CCDC171: variants seen among roughly 807,000 people sequenced by gnomAD.
CCDC171 encodes the protein coiled-coil domain containing 171.
In CCDC171, 177 loss-of-function variants were observed where a neutral mutation model predicts 168.2. The observed-to-expected ratio is 1.05, with a 90% CI of 0.93 to 1.19. The LOEUF (loss-of-function observed/expected upper bound fraction) is 1.19. Among genes scored for constraint, CCDC171 ranks in the 50% most tolerant of loss-of-function variants. The probability of loss-of-function intolerance (pLI) is 0.00; values close to 1 mark genes in which losing one functional copy is unlikely to be tolerated. For synonymous variants in CCDC171, 687 were observed against 540.8 expected, an observed-to-expected ratio of 1.27 and a Z score of -3.75; for missense variants, 1,991 against 1,539.0, an observed-to-expected ratio of 1.29 and a Z score of -4.91.
At chr9:15,693,242 CATATGGCAGT>C (rs1465788720) in intron 10 of CCDC171, among the ~76,000 whole-genome samples, 8 of 152,080 alleles carry the variant, frequency 5.3e-5, no homozygotes, top group African/African-American at 1.7e-4. Flanking sequence ...ACACTTCACA[CATATGGCAGT>C]ATATTAAACA....
chr9:15,889,776 G>A (rs182502482), intron 24 of CCDC171, among the ~76,000 whole-genome samples: 4 of 152,262 alleles, frequency 2.6e-5, no homozygotes, highest in Non-Finnish European at 5.9e-5. Context: ...TGTTCTCACT[G>A]GTAAAGGAAT....
chr9:16,100,484 G>A, the CCDC171 span, among the ~76,000 whole-genome samples: 480 of 152,226 alleles, frequency 3.2e-3, 2 homozygotes, highest in African/African-American at 0.011. Context: ...CAGAGGTATC[G>A]ATGTAATTGG....
the CCDC171 span, among the ~76,000 whole-genome samples, chr9:16,104,098 GT>G: frequency 6.6e-6 from 1 of 151,868 alleles, no homozygotes; most frequent in Admixed American, 6.6e-5. Context: ...CTTTCTTCTT[GT>G]TTTCCTCTTT....
intron 24 of CCDC171, among the ~76,000 whole-genome samples, chr9:15,903,936 A>T (rs1197371690): frequency 1.3e-5 from 2 of 152,204 alleles, no homozygotes; most frequent in African/African-American, 4.8e-5. Flanking sequence ...GTGATGGAAG[A>T]TCAAATGAAT....
At chr9:15,706,500 C>G (rs1225030317) in intron 11 of CCDC171, among the ~76,000 whole-genome samples, 1 of 152,048 alleles carries the variant, frequency 6.6e-6, no homozygotes, top group Non-Finnish European at 1.5e-5. Flanking sequence ...GTTGCCCAGG[C>G]TGGTCTCCAA....
chr9:15,719,632 A>G (rs991460203), intron 11 of CCDC171, among the ~76,000 whole-genome samples: 3 of 152,222 alleles, frequency 2.0e-5, no homozygotes, highest in Non-Finnish European at 4.4e-5. Flanking sequence ...ACTTTATTAT[A>G]TAAACATTTT....
chr9:15,739,642 A>C (rs909131207), intron 16 of CCDC171, among the ~76,000 whole-genome samples: 1 of 152,222 alleles, frequency 6.6e-6, no homozygotes, highest in African/African-American at 2.4e-5. Context: ...TATTCCTATT[A>C]AAATAGAGAA....
chr9:15,804,565 T>C (rs1230341176), intron 21 of CCDC171, among the ~76,000 whole-genome samples: 1 of 152,094 alleles, frequency 6.6e-6, no homozygotes, highest in African/African-American at 2.4e-5. Context: ...ACCCCAACCT[T>C]GCATCCTGGG....
chr9:15,596,339 A>T (rs1423525556), intron 6 of CCDC171, among the ~76,000 whole-genome samples: 2 of 151,630 alleles, frequency 1.3e-5, no homozygotes, highest in East Asian at 1.9e-4. Context: ...TAAGGAAGGG[A>T]TCCAGTTTCA....
At chr9:15,869,521 T>TG (rs2061939818) in intron 23 of CCDC171, among the ~76,000 whole-genome samples, 1 of 146,028 alleles carries the variant, frequency 6.8e-6, no homozygotes, top group African/African-American at 2.5e-5. Flanking sequence ...GTGTTTTTTT[T>TG]TTGTTTGTTT....
chr9:15,779,981 G>T (rs1320272361), intron 20 of CCDC171, among the ~76,000 whole-genome samples: 1 of 152,196 alleles, frequency 6.6e-6, no homozygotes, highest in African/African-American at 2.4e-5. Flanking sequence ...CTTCAAGACT[G>T]TACAACTTAA....
chr9:15,886,782 A>ACACC (rs1554666687), intron 24 of CCDC171: 1 of 151,462 alleles, frequency 6.6e-6, no homozygotes, highest in African/African-American at 2.4e-5. Context: ...ACACACACAC[A>ACACC]CACCCAGAGG....
intron 25 of CCDC171, among the ~76,000 whole-genome samples, chr9:15,935,292 A>T (rs935546328): frequency 6.6e-6 from 1 of 152,012 alleles, no homozygotes; most frequent in African/African-American, 2.4e-5. Flanking sequence ...ACTCAGAGGA[A>T]ATTTGAGTTC....
chr9:16,095,533 GCT>G, the CCDC171 span, among the ~76,000 whole-genome samples: 2 of 151,078 alleles, frequency 1.3e-5, no homozygotes, highest in South Asian at 4.2e-4. Context: ...TCACACACAC[GCT>G]CTCTCTTTCT....
At chr9:15,833,401 A>G (rs1480632667) in intron 21 of CCDC171, among the ~76,000 whole-genome samples, 2 of 152,146 alleles carry the variant, frequency 1.3e-5, no homozygotes, top group Non-Finnish European at 2.9e-5. Flanking sequence ...GTGTTCAAAT[A>G]TATGTAAACT....
At chr9:15,738,294 A>T (rs1396279005) in intron 16 of CCDC171, among the ~76,000 whole-genome samples, 1 of 152,190 alleles carries the variant, frequency 6.6e-6, no homozygotes, top group Non-Finnish European at 1.5e-5. Context: ...TCCGTGATTC[A>T]TTAAGGAAAA....
At chr9:16,093,764 A>T in the CCDC171 span, among the ~76,000 whole-genome samples, 1 of 152,214 alleles carries the variant, frequency 6.6e-6, no homozygotes, top group African/African-American at 2.4e-5. Flanking sequence ...CATGCCAGCT[A>T]ACCAACATAA....
intron 10 of CCDC171, among the ~76,000 whole-genome samples, chr9:15,689,174 C>G (rs927360522): frequency 2.0e-5 from 3 of 152,220 alleles, no homozygotes; most frequent in African/African-American, 4.8e-5. Context: ...TAAAACTTGT[C>G]TGCTGAAAAC....
the CCDC171 span, among the ~76,000 whole-genome samples, chr9:16,069,467 G>A: frequency 5.3e-5 from 8 of 152,236 alleles, no homozygotes; most frequent in Non-Finnish European, 2.9e-5. Flanking sequence ...CGAAGAAGGC[G>A]CCAGCGTGCG....
Sources: gnomAD v4.1 joint callset for allele counts (sites outside exome capture counted in the v4.1 genomes callset) on GRCh38, gnomAD v4.1.1 for gene constraint, MANE v1.5 for transcripts, NCBI Gene and HGNC (gene_info 2026-07-23, HGNC 2026-07-21) for gene names.